EXOC7: variants seen among roughly 807,000 people sequenced by gnomAD.
EXOC7 encodes the protein exocyst complex component 7.
Under a neutral mutation model 87.6 loss-of-function variants are expected in EXOC7, and 51 were observed. The observed-to-expected ratio is 0.58, with a 90% CI of 0.46 to 0.73. EXOC7 has a LOEUF of 0.73. Among genes scored for constraint, EXOC7 ranks in the 30% least tolerant of loss-of-function variants. EXOC7 has a pLI of 0.00. For synonymous variants in EXOC7, 327 were observed against 357.1 expected (o/e 0.92, Z 0.95); for missense variants, 744 against 888.4 (o/e 0.84, Z 2.07).
intron 5 of EXOC7, among the ~76,000 whole-genome samples, 161 bp from the exon 6 acceptor site, chr17:76,094,742 CAA>C (rs948331230): frequency 1.5e-4 from 20 of 134,990 alleles, no homozygotes; most frequent in Middle Eastern, 7.2e-3. Flanking sequence ...CAAAGTCTTT[CAA>C]AGTCTTTTTT....
rs1374447428 is a variant in EXOC7 at position 76,083,454 on chromosome 17, G to T, written c.*194C>A. The T allele has an allele frequency of 1.7e-6, 1 of 598,874 alleles. No homozygotes were observed. The highest frequency in any genetic ancestry group is 3.0e-6 in the Non-Finnish European group (1 of 334,774). 37.1% of individuals were successfully genotyped at this position (598,874 alleles called of 1,614,324 possible). On this transcript the variant is annotated 3_prime_UTR_variant, in exon 19 of 19. Transcript: ENST00000589210. Reference sequence around the variant, plus strand: ...CAGGCTTCCGGGAGAGTGCTGGTTCGGCTGGGAACACGGGCTGTGGGGAAA... The same window carrying T: ...CAGGCTTCCGGGAGAGTGCTGGTTCTGCTGGGAACACGGGCTGTGGGGAAA...
chr17:76,089,423 C>A, intron 7 of EXOC7, 103 bp from the exon 8 acceptor site: 1 of 1,427,628 alleles, frequency 7.0e-7, no homozygotes. Flanking sequence ...CCCACACTGG[C>A]AGAGGATGGG....
Position 76,081,484 on chromosome 17 carries a change from A to C in EXOC7, c.*2164T>G. 3 of 1,609,694 alleles carry C rather than the reference A, an allele frequency of 1.9e-6. No individual in the cohort carries two copies. In the Admixed American group the frequency reaches 5.0e-5, roughly 27 times the overall value. Reference sequence around the variant, plus strand: ...GATGCACGGCCAGAGGCCAGGCCCCATGCCCCCGATGCCCACCTCCTTCCC... The same window carrying C: ...GATGCACGGCCAGAGGCCAGGCCCCCTGCCCCCGATGCCCACCTCCTTCCC... On this transcript the variant is annotated 3_prime_UTR_variant, in exon 19 of 19. Transcript: ENST00000589210.
In EXOC7 at chr17:76,083,485, G is replaced by C. The variant is rs1484834636; in HGVS notation, c.*163C>G. 3.0e-6 allele frequency: 2 copies of C among 657,814 alleles called. No homozygotes were observed. Among genetic ancestry groups the C allele is most frequent in the African/African-American group, 3.6e-5 (2 of 55,376 alleles). 40.7% of individuals were successfully genotyped at this position (657,814 alleles called of 1,614,324 possible). A position where few individuals can be genotyped will look rare whatever the true frequency, so the allele number is the denominator to read the frequency against. On this transcript the variant is annotated 3_prime_UTR_variant, in exon 19 of 19. Transcript: ENST00000589210. Reference sequence around the variant, plus strand: ...GAACACGGGCTGTGGGGAAAAAGCAGGAGCCAGGACTAGGGGGCTCAGGGA... The same window carrying C: ...GAACACGGGCTGTGGGGAAAAAGCACGAGCCAGGACTAGGGGGCTCAGGGA...
intron 7 of EXOC7, 72 bp from the exon 8 acceptor site, chr17:76,089,392 C>T (rs932882994): frequency 3.6e-5 from 57 of 1,577,470 alleles, no homozygotes; most frequent in Admixed American, 1.4e-4. Context: ...CGGCGTGGGT[C>T]CCCCAGCTCC....
chr17:76,103,560 G>T, intron 1 of EXOC7, 73 bp downstream of exon 1: 4 of 1,593,908 alleles, frequency 2.5e-6, no homozygotes, highest in Non-Finnish European at 2.6e-6. Flanking sequence ...CCTCCTCCAT[G>T]AGTAGACAAT....
At chr17:76,089,478 G>T in intron 7 of EXOC7, 158 bp from the exon 8 acceptor site, 1 of 859,404 alleles carries the variant, frequency 1.2e-6, no homozygotes, top group Admixed American at 2.7e-5. Context: ...GGAGCCAGCA[G>T]GCCCCGCCAG....
intron 16 of EXOC7, 68 bp downstream of exon 16, chr17:76,084,449 T>A: frequency 6.3e-7 from 1 of 1,587,472 alleles, no homozygotes. Context: ...GTCCACTTTT[T>A]CCCAGAGACA....
At position 76,084,083 on chromosome 17, in the gene EXOC7, T is replaced by C. The variant is rs760012977; in HGVS notation, c.1875A>G (p.Pro625=). 12 of 1,610,942 alleles carry C rather than the reference T, an allele frequency of 7.4e-6. No homozygotes were observed. In the East Asian group the frequency reaches 2.7e-4, roughly 36 times the overall value. The change falls in exon 18 of 19, where the codon CCA becomes CCG. Residue 625 remains proline (P), a synonymous_variant. Transcript: ENST00000589210. ...LCKIQKAWAI[P]DTEQRDRIRQ... ...GAATCCTGTCCCTCTGCTCTGTGTC[T>C]GGAATAGCCCAGGCCTTCTGGATTT...
In EXOC7 at chr17:76,084,304, G is replaced by T. The variant is rs371963249; in HGVS notation, c.1777-15C>A. The T allele has an allele frequency of 6.2e-7, 1 of 1,613,492 alleles. No homozygotes were observed. Among genetic ancestry groups the T allele is most frequent in the African/African-American group, 1.3e-5 (1 of 75,046 alleles). ...TTGTCCCGGAGCTGGGAAGCCAGGAGAGATAGCAGAGAAAGCTCACTTCAG... is the reference window on the plus strand; with the variant it reads ...TTGTCCCGGAGCTGGGAAGCCAGGATAGATAGCAGAGAAAGCTCACTTCAG... On this transcript the variant is annotated splice_polypyrimidine_tract_variant and intron_variant, in intron 16 of 18. Coordinates refer to ENST00000589210, the MANE Select transcript of EXOC7 (RefSeq NM_001013839.4).
intron 5 of EXOC7, among the ~76,000 whole-genome samples, chr17:76,096,117 C>A (rs1318834063): frequency 3.3e-5 from 5 of 152,142 alleles, no homozygotes; most frequent in Admixed American, 2.0e-4. Context: ...TCAGATACAT[C>A]GCGGCCGTGA....
intron 12 of EXOC7, chr17:76,086,918 A>C: frequency 6.5e-7 from 1 of 1,545,798 alleles, no homozygotes; most frequent in Non-Finnish European, 8.8e-7. Flanking sequence ...CAGTGCACAC[A>C]GAGGGGACAG....
In EXOC7 at chr17:76,097,934, C is replaced by T. The variant is rs750706353; in HGVS notation, c.502G>A (p.Val168Met). The change falls in exon 5 of 19, where the codon GTG (valine) becomes ATG (methionine). Residue 168 changes from valine (V) to methionine (M), a missense_variant. By Grantham distance (21) the Val-to-Met change is conservative. Coordinates refer to ENST00000589210, the MANE Select transcript of EXOC7 (RefSeq NM_001013839.4). ...MTRHSKVVSP[V>M]LILDLISGDD... ...CCACTGATCAGATCCAAGATGAGCA[C>T]GGGCGAGACGACCTTACTGTGCCGC... 28 of 1,613,906 alleles carry T rather than the reference C, an allele frequency of 1.7e-5. No homozygotes were observed. Among genetic ancestry groups the T allele is most frequent in the African/African-American group, 5.3e-5 (4 of 74,874 alleles).
At chr17:76,089,642 T>A in intron 7 of EXOC7, 1 of 397,950 alleles carries the variant, frequency 2.5e-6, no homozygotes, top group Non-Finnish European at 4.8e-6. Context: ...GATAAGGTGG[T>A]TTGACCCCAG....
rs1414611871 is a variant in EXOC7, at chr17:76,088,929, G to A, written c.1048-6C>T. ...ATCAGCCCATCCAGGGCATCCTGAG[G>A]GGGCAGGGAGACAGTTCAGGGAAGG... On this transcript the variant is annotated splice_region_variant and splice_polypyrimidine_tract_variant and intron_variant, in intron 8 of 18. Transcript: ENST00000589210. The A allele has an allele frequency of 6.2e-7, 1 of 1,612,066 alleles. No homozygotes were observed. The highest frequency in any genetic ancestry group is 1.1e-5 in the South Asian group (1 of 91,062).
chr17:76,089,568 C>T (rs1009979216), intron 7 of EXOC7: 2 of 559,996 alleles, frequency 3.6e-6, no homozygotes, highest in African/African-American at 1.9e-5. Flanking sequence ...TGGGATCAGA[C>T]ACCAGAGGCA....
chr17:76,099,197 G>C (rs755969084), intron 4 of EXOC7, among the ~76,000 whole-genome samples: 55 of 152,232 alleles, frequency 3.6e-4, no homozygotes, highest in South Asian at 8.3e-4. Context: ...TCCATCAAAG[G>C]ATAAATGGCT....
Position 76,097,960 on chromosome 17 carries a change from G to A in EXOC7, c.476C>T (p.Thr159Met), listed in dbSNP as rs373077314. The A allele has an allele frequency of 1.7e-5, 27 of 1,614,072 alleles. No individual in the cohort carries two copies. Among genetic ancestry groups the A allele is most frequent in the Middle Eastern group, 3.3e-4 (2 of 6,062 alleles). ...GGGCGAGACGACCTTACTGTGCCGC[G>A]TCATCAGGCTGCGAAATTCGGACTC... ...ALESEFRSLM[T>M]RHSKVVSPVL... The change falls in exon 5 of 19, where the codon ACG becomes ATG. Residue 159 changes from threonine (T) to methionine (M), a missense_variant. By Grantham distance (81) the Thr-to-Met change is moderately conservative. Transcript: ENST00000589210.
At chr17:76,096,822 C>T (rs2144675164) in intron 5 of EXOC7, among the ~76,000 whole-genome samples, 1 of 152,248 alleles carries the variant, frequency 6.6e-6, no homozygotes, top group East Asian at 1.9e-4. Context: ...CCCCAAAGTG[C>T]TGGGATTACA....
Sources: allele counts gnomAD v4.1 joint callset (sites outside exome capture counted in the v4.1 genomes callset), GRCh38; gene constraint gnomAD v4.1.1; transcripts MANE v1.5; gene names NCBI Gene and HGNC (gene_info 2026-07-23, HGNC 2026-07-21).